NKAIN1: variants seen among roughly 807,000 people sequenced by gnomAD.
NKAIN1 encodes sodium/potassium transporting ATPase interacting 1, also known as sodium/potassium-transporting ATPase subunit beta-1-interacting protein 1.
Under a neutral mutation model 31.6 loss-of-function variants are expected in NKAIN1, and 13 were observed. The ratio of observed to expected loss-of-function variants is 0.41; its 90% CI spans 0.27 to 0.65. The LOEUF (loss-of-function observed/expected upper bound fraction) is 0.65, where lower values mean the gene tolerates loss of function less well. NKAIN1 is among the 30% of genes least tolerant of loss of function. The pLI, the probability that NKAIN1 is intolerant of heterozygous loss-of-function variation, is 0.30. For synonymous variants in NKAIN1, 104 were observed against 109.0 expected, an observed-to-expected ratio of 0.95 and a Z score of 0.28; for missense variants, 193 against 262.2, an observed-to-expected ratio of 0.74 and a Z score of 1.82.
At chr1:31,219,606 G>A (rs1442051530) in intron 1 of NKAIN1, among the ~76,000 whole-genome samples, 1 of 152,244 alleles carries the variant, frequency 6.6e-6, no homozygotes, top group Non-Finnish European at 1.5e-5. Context: ...GCCCCCTAAT[G>A]CTTCCGGTAC....
chr1:31,187,790 G>A lies in NKAIN1; in HGVS notation c.192+260C>T, dbSNP rs557879464. Among the ~76,000 whole-genome samples, 8 of 151,970 alleles carry A rather than the reference G, an allele frequency of 5.3e-5. No individual in the cohort carries two copies. The East Asian group carries it at 5.8e-4, about 11-fold the overall frequency. On this transcript the variant is annotated intron_variant, in intron 2 of 6. Coordinates refer to ENST00000373736, the MANE Select transcript of NKAIN1 (RefSeq NM_024522.3). ...TGAAATTTCGCAGCGTGCCTGGCAC[G>A]TGCCAGGCACTCACTACATGATCCA...
chr1:31,232,424 T>TATATAGAGAGAGAG (rs1313157898), intron 1 of NKAIN1, among the ~76,000 whole-genome samples: 2 of 16,924 alleles, frequency 1.2e-4, no homozygotes, highest in African/African-American at 1.7e-4. Flanking sequence ...TATATATATA[T>TATATAGAGAGAGAG]AGAGAGAGAG....
rs1276113901 is a variant in NKAIN1, at chr1:31,181,702, G to T, written c.*1C>A. 6.8e-7 allele frequency: 1 copy of T among 1,480,706 alleles called. No homozygotes were observed. Among genetic ancestry groups the T allele is most frequent in the African/African-American group, 1.4e-5 (1 of 71,280 alleles). The allele number at this position is 1,480,706 out of a possible 1,614,324, so 91.7% of individuals were successfully genotyped here. A position where few individuals can be genotyped will look rare whatever the true frequency, so the allele number is the denominator to read the frequency against. Reference sequence around the variant, plus strand: ...GCGCCGGGGTGGGCGCGGGGCAGAGGCTACCCCGACCTGCGGGAAACAAAG... The same window carrying T: ...GCGCCGGGGTGGGCGCGGGGCAGAGTCTACCCCGACCTGCGGGAAACAAAG... On this transcript the variant is annotated 3_prime_UTR_variant, in exon 7 of 7. Coordinates refer to ENST00000373736, the MANE Select transcript of NKAIN1 (RefSeq NM_024522.3).
chr1:31,231,960 C>T lies in NKAIN1; in HGVS notation c.54+7534G>A, dbSNP rs541452743. The stretch of plus-strand genomic sequence containing the variant: ...TTGAGACAGGATCTCACTGTGTTGC[C>T]CAGGCTGTAGGGCAGTGGTGCAATC... On this transcript the variant is annotated intron_variant, in intron 1 of 6. Coordinates refer to ENST00000373736, the MANE Select transcript of NKAIN1 (RefSeq NM_024522.3). 2.0e-5 allele frequency among the ~76,000 whole-genome samples: 3 copies of T among 151,362 alleles called. No individual in the cohort carries two copies. The South Asian group carries it at 6.3e-4, about 32-fold the overall frequency.
In NKAIN1 at chr1:31,193,233, T is replaced by C. The variant is rs147965103; in HGVS notation, c.55-5046A>G. ...ACAGGCGCCCGCCACCACGCCCGGC[T>C]AATTTTTTGTACATTTAGTAGAGAC... On this transcript the variant is annotated intron_variant, in intron 1 of 6. Coordinates refer to ENST00000373736, the MANE Select transcript of NKAIN1 (RefSeq NM_024522.3). Among the ~76,000 whole-genome samples the C allele has an allele frequency of 4.1e-3, 610 of 150,596 alleles. 35 individuals are homozygous for C. The East Asian group carries it at 0.099, about 24-fold the overall frequency.
chr1:31,218,126 A>C (rs1199153650), intron 1 of NKAIN1, among the ~76,000 whole-genome samples: 1 of 146,546 alleles, frequency 6.8e-6, no homozygotes, highest in Admixed American at 7.1e-5. Context: ...GCAGTGGCAC[A>C]TTCTCAGCTC....
chr1:31,203,230 A>C (rs1645396548), intron 1 of NKAIN1, among the ~76,000 whole-genome samples: 1 of 152,054 alleles, frequency 6.6e-6, no homozygotes, highest in Non-Finnish European at 1.5e-5. Flanking sequence ...GCGCCACTGC[A>C]CTCTGGCCTA....
chr1:31,192,068 G>A (rs1156390039), intron 1 of NKAIN1, among the ~76,000 whole-genome samples: 2 of 152,122 alleles, frequency 1.3e-5, no homozygotes, highest in Non-Finnish European at 2.9e-5. Flanking sequence ...AAGCCACTGC[G>A]CTGGGCCTCC....
intron 1 of NKAIN1, among the ~76,000 whole-genome samples, chr1:31,196,626 G>A (rs1046683105): frequency 6.6e-6 from 1 of 151,874 alleles, no homozygotes; most frequent in African/African-American, 2.4e-5. Flanking sequence ...CCACCAGGAG[G>A]TGGGAGTTGC....
intron 1 of NKAIN1, among the ~76,000 whole-genome samples, chr1:31,203,064 G>C (rs1273438630): frequency 6.8e-6 from 1 of 147,990 alleles, no homozygotes; most frequent in Non-Finnish European, 1.5e-5. Flanking sequence ...CCTGAGGTCA[G>C]GAGTTCGAGA....
At chr1:31,231,373 C>G (rs1645646563) in intron 1 of NKAIN1, among the ~76,000 whole-genome samples, 1 of 148,160 alleles carries the variant, frequency 6.7e-6, no homozygotes, top group South Asian at 2.1e-4. Flanking sequence ...AGGGTCTTGC[C>G]ATGTTACCCA....
intron 1 of NKAIN1, among the ~76,000 whole-genome samples, chr1:31,200,165 C>G (rs1645368384): frequency 1.3e-5 from 2 of 152,242 alleles, no homozygotes; most frequent in South Asian, 4.1e-4. Flanking sequence ...TGCTGCCTCT[C>G]TATCCCAGCC....
chr1:31,234,537 C>G (rs1022651125), intron 1 of NKAIN1, among the ~76,000 whole-genome samples: 16 of 150,876 alleles, frequency 1.1e-4, no homozygotes, highest in African/African-American at 3.4e-4. Flanking sequence ...ATGTGTCTGG[C>G]ACCTGGCCAA....
intron 1 of NKAIN1, among the ~76,000 whole-genome samples, chr1:31,198,173 G>A (rs1645345959): frequency 6.6e-6 from 1 of 152,152 alleles, no homozygotes; most frequent in African/African-American, 2.4e-5. Context: ...CACTCCAGGT[G>A]CTAAAACCAA....
intron 1 of NKAIN1, among the ~76,000 whole-genome samples, chr1:31,206,979 C>T (rs926681481): frequency 2.6e-5 from 4 of 152,174 alleles, no homozygotes; most frequent in Non-Finnish European, 5.9e-5. Flanking sequence ...AAGTGATCCG[C>T]ACGCCTCAGC....
chr1:31,190,851 G>A (rs553629718), intron 1 of NKAIN1, among the ~76,000 whole-genome samples: 2 of 152,266 alleles, frequency 1.3e-5, no homozygotes, highest in South Asian at 2.1e-4. Flanking sequence ...CTGGCCTTGG[G>A]AGCCTTGGTG....
intron 1 of NKAIN1, among the ~76,000 whole-genome samples, chr1:31,207,526 G>A (rs74063695): frequency 0.042 from 6,455 of 152,158 alleles, 381 homozygotes; most frequent in African/African-American, 0.13. Context: ...CTAATGTGCA[G>A]GTCACTTTGA....
rs1416348916 is a variant in NKAIN1, at chr1:31,202,894, T to C, written c.55-14707A>G. Among the ~76,000 whole-genome samples, 3 of 142,688 alleles carry C rather than the reference T, an allele frequency of 2.1e-5. No individual in the cohort carries two copies. In the South Asian group the frequency reaches 6.7e-4, roughly 32 times the overall value. The allele number at this position is 142,688 out of a possible 152,430, so 93.6% of individuals were successfully genotyped here. On this transcript the variant is annotated intron_variant, in intron 1 of 6. Coordinates refer to ENST00000373736, the MANE Select transcript of NKAIN1 (RefSeq NM_024522.3). ...CGGGAGGCTGAGGCAAGAGAATCAT[T>C]TGAACCCAGGAGGTGGAGGTTGCAG...
rs1230802402 is a variant in NKAIN1 at position 31,181,668 on chromosome 1, C to T, written c.*35G>A. On this transcript the variant is annotated 3_prime_UTR_variant, in exon 7 of 7. Transcript: ENST00000373736. ...GAGCTCGCGGCAGCTGCGGTCAGCC[C>T]AGGGCGAGGCGCCGGGGTGGGCGCG... is the stretch of plus-strand genomic sequence containing the variant. 6.9e-7 allele frequency: 1 copy of T among 1,455,296 alleles called. No individual in the cohort carries two copies. Among genetic ancestry groups the T allele is most frequent in the African/African-American group, 1.4e-5 (1 of 69,888 alleles). 90.1% of individuals were successfully genotyped at this position (1,455,296 alleles called of 1,614,324 possible).
Sources: allele counts gnomAD v4.1 joint callset (sites outside exome capture counted in the v4.1 genomes callset), GRCh38; gene constraint gnomAD v4.1.1; transcripts MANE v1.5; gene names NCBI Gene and HGNC (gene_info 2026-07-23, HGNC 2026-07-21).